UBR4: variants seen among roughly 807,000 people sequenced by gnomAD.
The protein encoded by UBR4 is ubiquitin protein ligase E3 component n-recognin 4.
Under a neutral mutation model 575.6 loss-of-function variants are expected in UBR4, and 124 were observed. The observed-to-expected ratio is 0.22, with a 90% CI of 0.19 to 0.25. The LOEUF is 0.25. Among genes scored for constraint, UBR4 ranks in the 10% least tolerant of loss-of-function variants. The pLI, the probability that UBR4 is intolerant of heterozygous loss-of-function variation, is 1.00. For missense variants in UBR4, 4,818 were observed against 6,478.8 expected, an observed-to-expected ratio of 0.74 and a Z score of 8.80; for synonymous variants, 2,455 against 2,473.7, an observed-to-expected ratio of 0.99 and a Z score of 0.22.
chr1:19,179,891 G>GT (rs753042489), intron 17 of UBR4, among the ~76,000 whole-genome samples: 78 of 152,196 alleles, frequency 5.1e-4, no homozygotes, highest in Non-Finnish European at 2.5e-4. Flanking sequence ...ACAAAGCATG[G>GT]TTACTGTGGG....
At position 19,162,587 on chromosome 1, in the gene UBR4, A is replaced by C. The variant is rs753281344; in HGVS notation, c.4789T>G (p.Cys1597Gly). The C allele has an allele frequency of 1.7e-5, 27 of 1,613,944 alleles. No individual in the cohort carries two copies. The East Asian group carries it at 5.8e-4, about 35-fold the overall frequency. ...GKHVMILECT[C>G]HIMSYLADVT... The stretch of plus-strand genomic sequence containing the variant: ...TCAGCCAAGTAAGACATGATATGGC[A>C]TGTGCACTCCAAGATCATCACATGC... The change falls in exon 35 of 106, where the codon TGC becomes GGC. Residue 1597 changes from cysteine (C) to glycine (G), a missense_variant. Physicochemically the swap from Cys to Gly is radical, Grantham distance 159. Transcript: ENST00000375254.
chr1:19,192,081 T>C (rs1211367979), intron 11 of UBR4, 107 bp downstream of exon 11: 1 of 1,312,484 alleles, frequency 7.6e-7, no homozygotes, highest in Non-Finnish European at 1.0e-6. Flanking sequence ...TCAAGCCAGG[T>C]AGGAAGGCAA....
At chr1:19,094,787 G>C in intron 94 of UBR4, 119 bp downstream of exon 94, 1 of 1,381,076 alleles carries the variant, frequency 7.2e-7, no homozygotes, top group East Asian at 2.3e-5. Context: ...ACATTCCAAT[G>C]CTTAAGCAGG....
chr1:19,113,776 G>A lies in UBR4; in HGVS notation c.11380C>T (p.Arg3794Cys), dbSNP rs912677404. ...TCCTGAGCCAACTGCAGGATGTAAC[G>A]ATTCACACTGGCAGAAGTGGAGCTG... Reference protein sequence around the residue: ...GISSTSASVNRYILQLAQEYC... With the variant: ...GISSTSASVNCYILQLAQEYC... The change falls in exon 77 of 106, where the codon CGT becomes TGT. Residue 3794 changes from arginine to cysteine, a missense_variant. Coordinates refer to ENST00000375254, the MANE Select transcript of UBR4 (RefSeq NM_020765.3). The A allele has an allele frequency of 2.5e-6, 4 of 1,614,084 alleles. No individual in the cohort carries two copies. The highest frequency in any genetic ancestry group is 2.2e-5 in the East Asian group (1 of 44,894).
rs938946115 is a variant in UBR4, at chr1:19,086,180, A to G, written c.14778T>C (p.His4926=). ...CNGLLPVWGP[H]VPESAFATCL... Reference sequence around the variant, plus strand: ...AAGTGGCAAAAGCTGATTCAGGGACATGAGGTCCCCAGACCGGAAGGAGCC... The same window carrying G: ...AAGTGGCAAAAGCTGATTCAGGGACGTGAGGTCCCCAGACCGGAAGGAGCC... The change falls in exon 101 of 106, where the codon CAT becomes CAC. Residue 4926 remains histidine, a synonymous_variant. Coordinates refer to ENST00000375254, the MANE Select transcript of UBR4 (RefSeq NM_020765.3). 1.2e-6 allele frequency: 2 copies of G among 1,613,960 alleles called. No homozygotes were observed. Among genetic ancestry groups the G allele is most frequent in the African/African-American group, 1.3e-5 (1 of 74,936 alleles).
At chr1:19,085,219 T>C (rs897741599) in intron 101 of UBR4, among the ~76,000 whole-genome samples, 15 of 152,354 alleles carry the variant, frequency 9.8e-5, no homozygotes, top group African/African-American at 3.4e-4. Flanking sequence ...ATCTGTACAA[T>C]GTATACAAGA....
rs372908846 is a variant in UBR4, at chr1:19,153,308, A to C, written c.6825T>G (p.Ala2275=). 4 of 1,614,058 alleles carry C rather than the reference A, an allele frequency of 2.5e-6. No individual in the cohort carries two copies. In the African/African-American group the frequency reaches 4.0e-5, roughly 16 times the overall value. The change falls in exon 46 of 106, where the codon GCT becomes GCG. Residue 2275 remains alanine, a synonymous_variant. Coordinates refer to ENST00000375254, the MANE Select transcript of UBR4 (RefSeq NM_020765.3). The surrounding 1 kb of genome is among the most constrained non-coding windows in gnomAD (Gnocchi z 4.1). ...IMKPVRKRKT[A]TITTRTSSQV... Reference sequence around the variant, plus strand: ...TCTGAGAAGGAGCCTTACTGATTGTAGCTGTTTTGCGCTTTCGAACAGGCT... The same window carrying C: ...TCTGAGAAGGAGCCTTACTGATTGTCGCTGTTTTGCGCTTTCGAACAGGCT...
In UBR4 at chr1:19,201,776, T is replaced by G. The variant is rs764187070; in HGVS notation, c.216A>C (p.Pro72=). The change falls in exon 2 of 106, where the codon CCA becomes CCC. Residue 72 remains proline, a synonymous_variant. Transcript: ENST00000375254. Reference sequence around the variant, plus strand: ...AAAGTGCAACAAAAGATGAGTAGAATGGCTCGTACTGCTTCTCATGGTGCA... The same window carrying G: ...AAAGTGCAACAAAAGATGAGTAGAAGGGCTCGTACTGCTTCTCATGGTGCA... ...EILHHEKQYE[P]FYSSFVALST... 1 of 1,614,050 alleles carries G rather than the reference T, an allele frequency of 6.2e-7. No homozygotes were observed. Among genetic ancestry groups the G allele is most frequent in the African/African-American group, 1.3e-5 (1 of 74,946 alleles).
intron 8 of UBR4, among the ~76,000 whole-genome samples, chr1:19,195,255 A>C (rs2092380596): frequency 1.8e-5 from 2 of 109,046 alleles, no homozygotes; most frequent in Admixed American, 2.2e-4. Context: ...ACTGAGCGAG[A>C]CTCCATCTCA....
At position 19,167,349 on chromosome 1, in the gene UBR4, C is replaced by A. The variant is rs2088676942; in HGVS notation, c.3900-118G>T. 4 of 972,438 alleles carry A rather than the reference C, an allele frequency of 4.1e-6. No individual in the cohort carries two copies. The East Asian group carries it at 7.6e-5, about 18-fold the overall frequency. 60.2% of individuals were successfully genotyped at this position (972,438 alleles called of 1,614,324 possible). ...GAGGGGAAGGGGAATTGCGCAAGGGCCTTTATTCCAGTCTTTTTCCCATGA... is the reference window on the plus strand; with the variant it reads ...GAGGGGAAGGGGAATTGCGCAAGGGACTTTATTCCAGTCTTTTTCCCATGA... On this transcript the variant is annotated intron_variant, in intron 28 of 105. Transcript: ENST00000375254.
chr1:19,167,664 C>T (rs1407519778), intron 28 of UBR4, among the ~76,000 whole-genome samples: 1 of 152,168 alleles, frequency 6.6e-6, no homozygotes, highest in Admixed American at 6.5e-5. Context: ...CCTCCATTGG[C>T]CTGACCTAGT....
At chr1:19,097,367 A>G (rs941422405) in intron 90 of UBR4, 87 bp from the exon 91 acceptor site, 1 of 1,080,508 alleles carries the variant, frequency 9.3e-7, no homozygotes. Context: ...TTAAAGCCCC[A>G]GCAATGTGGA....
chr1:19,120,181 T>C lies in UBR4; in HGVS notation c.10309A>G (p.Arg3437Gly). 6.2e-7 allele frequency: 1 copy of C among 1,613,984 alleles called. No individual in the cohort carries two copies. The highest frequency in any genetic ancestry group is 8.5e-7 in the Non-Finnish European group (1 of 1,179,876). The part of the protein sequence containing the change: ...QAHCLTLHIY[R>G]NSSKSQQELL... ...TGTCAAACCAAGCCCTGGCCCTACC[T>C]GTAGATGTGCAGTGTCAGACAGTGG... Residue 3437 changes from arginine to glycine, a missense_variant and splice_region_variant, in exon 69 of 106, where the codon AGA becomes GGA. Arg to Gly is a moderately radical substitution (Grantham distance 125). Around this residue, in one of 29 missense-constraint regions of UBR4, gnomAD observed 550 missense variants for 791.5 expected, o/e 0.69. Transcript: ENST00000375254.
chr1:19,151,746 G>C lies in UBR4; in HGVS notation c.7110C>G (p.Ile2370Met). 6.2e-7 allele frequency: 1 copy of C among 1,614,204 alleles called. No individual in the cohort carries two copies. Residue 2370 changes from isoleucine to methionine, a missense_variant, in exon 48 of 106, where the codon ATC (isoleucine) becomes ATG (methionine). Coordinates refer to ENST00000375254, the MANE Select transcript of UBR4 (RefSeq NM_020765.3). ...GGTTGAGCTGCATAGTTCTGCCGAA[G>C]ATCTCGATATATGACGGGGCCCGTT... ...AIERAPSYIE[I>M]FGRTMQLNLS... is the part of the protein sequence containing the mutation.
Position 19,187,321 on chromosome 1 carries a change from A to T in UBR4, c.1495-20T>A, listed in dbSNP as rs2151311632. On this transcript the variant is annotated intron_variant, in intron 12 of 105. Transcript: ENST00000375254. ...CCAACCCTGAAGGCAATGATATCAA[A>T]GGGCAATTAATGATACTACTCAGCC... 1 of 1,611,152 alleles carries T rather than the reference A, an allele frequency of 6.2e-7. No individual in the cohort carries two copies. Among genetic ancestry groups the T allele is most frequent in the Admixed American group, 1.7e-5 (1 of 59,882 alleles).
Position 19,105,851 on chromosome 1 carries a change from CAG to C in UBR4, c.12394-11_12394-10del. 6 of 1,577,296 alleles carry C rather than the reference CAG, an allele frequency of 3.8e-6. No individual in the cohort carries two copies. The highest frequency in any genetic ancestry group is 4.3e-6 in the Non-Finnish European group (5 of 1,165,384). The stretch of plus-strand genomic sequence containing the variant: ...GCTGGAGTGAAAAGCACCTGCAGGA[CAG>C]GGGAGAGAAGGGGTCGTAGACTCAG... On this transcript the variant is annotated splice_polypyrimidine_tract_variant and intron_variant, in intron 83 of 105. Transcript: ENST00000375254.
In UBR4 at chr1:19,139,135, CACA is replaced by C. The variant is rs1162202334; in HGVS notation, c.8676_8678del (p.Ser2892_Val2893delinsArg). On this transcript the variant is annotated inframe_deletion, in exon 59 of 106. Transcript: ENST00000375254. The surrounding 1 kb of genome is among the most constrained non-coding windows in gnomAD (Gnocchi z 4.2). ...CTGCACTGCCCCCGCTCTCCGAGCC[CACA>C]CTACCACCGTGGTCAGCAGGAGAGG... The C allele has an allele frequency of 6.2e-7, 1 of 1,613,892 alleles. No individual in the cohort carries two copies. The highest frequency in any genetic ancestry group is 1.7e-5 in the Admixed American group (1 of 60,024).
intron 81 of UBR4, among the ~76,000 whole-genome samples, chr1:19,109,709 A>G (rs1236573930): frequency 6.6e-6 from 1 of 152,266 alleles, no homozygotes; most frequent in African/African-American, 2.4e-5. Context: ...AATAAATGGA[A>G]GCGCTGGAAT....
intron 37 of UBR4, 33 bp downstream of exon 37, chr1:19,161,556 C>T (rs2087379010): frequency 6.4e-7 from 1 of 1,553,654 alleles, no homozygotes; most frequent in African/African-American, 1.4e-5. Context: ...CACTAACAAG[C>T]CACCCTTTAT....
Sources: allele counts gnomAD v4.1 joint callset (sites outside exome capture counted in the v4.1 genomes callset), GRCh38; gene constraint gnomAD v4.1.1; regional missense constraint gnomAD v4.1.1; non-coding constraint Gnocchi (gnomAD v3.1); transcripts MANE v1.5; gene names NCBI Gene and HGNC (gene_info 2026-07-23, HGNC 2026-07-21).